CHST11: variants seen among roughly 807,000 people sequenced by gnomAD.
CHST11 encodes the protein C4S-1.
CHST11 carries 9 observed loss-of-function variants against 30.4 expected under a neutral mutation model. That is an observed-to-expected ratio of 0.30 (90% CI 0.18 to 0.52). The LOEUF (loss-of-function observed/expected upper bound fraction) is 0.52. Among genes scored for constraint, CHST11 ranks in the 20% least tolerant of loss-of-function variants. The pLI is 0.97. For synonymous variants in CHST11, 152 were observed against 187.8 expected, an observed-to-expected ratio of 0.81 and a Z score of 1.56; for missense variants, 348 against 460.6, an observed-to-expected ratio of 0.76 and a Z score of 2.24.
intron 2 of CHST11, among the ~76,000 whole-genome samples, chr12:104,641,492 C>G (rs1281660688): frequency 1.3e-5 from 2 of 152,174 alleles, no homozygotes; most frequent in African/African-American, 4.8e-5. Context: ...GTTCCCCCTC[C>G]TCTGAGGGGT....
chr12:104,642,803 A>AT (rs11304826), intron 2 of CHST11, among the ~76,000 whole-genome samples: 4 of 150,680 alleles, frequency 2.7e-5, no homozygotes, highest in East Asian at 1.9e-4. Context: ...GGGGATTTAG[A>AT]TTTTTTTTTT....
intron 1 of CHST11, among the ~76,000 whole-genome samples, chr12:104,486,761 G>T (rs1358393318): frequency 1.3e-5 from 2 of 152,168 alleles, no homozygotes; most frequent in Non-Finnish European, 1.5e-5. Context: ...AAGGGGAAAA[G>T]AACTTCCCTG....
chr12:104,571,519 G>A (rs2038625874), intron 1 of CHST11, among the ~76,000 whole-genome samples: 1 of 152,202 alleles, frequency 6.6e-6, no homozygotes, highest in East Asian at 1.9e-4. Flanking sequence ...CCACTTGTCA[G>A]TGCTTGTAGA....
At chr12:104,614,948 C>T (rs1290457051) in intron 2 of CHST11, among the ~76,000 whole-genome samples, 1 of 152,146 alleles carries the variant, frequency 6.6e-6, no homozygotes, top group Non-Finnish European at 1.5e-5. Flanking sequence ...GATAAGCAGG[C>T]CAAAGATGCA....
chr12:104,502,958 A>G (rs2037867018), intron 1 of CHST11, among the ~76,000 whole-genome samples: 1 of 152,248 alleles, frequency 6.6e-6, no homozygotes, highest in Non-Finnish European at 1.5e-5. Context: ...TGTGGGGCAG[A>G]GCTGGGATTC....
intron 2 of CHST11, among the ~76,000 whole-genome samples, chr12:104,636,289 A>C (rs972767740): frequency 6.6e-6 from 1 of 152,146 alleles, no homozygotes; most frequent in African/African-American, 2.4e-5. Context: ...GTTCCTCTCT[A>C]ACTCAAAGAC....
chr12:104,554,314 C>T (rs1033414159), intron 1 of CHST11, among the ~76,000 whole-genome samples: 24 of 152,028 alleles, frequency 1.6e-4, no homozygotes, highest in Admixed American at 1.2e-3. Flanking sequence ...AGGGGCAATC[C>T]AGGCAGAGGG....
intron 1 of CHST11, among the ~76,000 whole-genome samples, chr12:104,525,106 CTT>C (rs36113644): frequency 0.047 from 6,605 of 139,814 alleles, 466 homozygotes; most frequent in African/African-American, 0.16. Context: ...TTTTTTCTTT[CTT>C]TTTTTTTTTT....
chr12:104,497,364 CGGCAAGAT>C (rs2037808590), intron 1 of CHST11, among the ~76,000 whole-genome samples: 1 of 152,184 alleles, frequency 6.6e-6, no homozygotes, highest in African/African-American at 2.4e-5. Flanking sequence ...TGGGAGGACA[CGGCAAGAT>C]GGTGGCCGTC....
intron 2 of CHST11, among the ~76,000 whole-genome samples, chr12:104,620,373 C>T (rs2039148397): frequency 6.6e-6 from 1 of 152,212 alleles, no homozygotes. Flanking sequence ...TCAGAAGCAG[C>T]TGACATCCAA....
chr12:104,478,254 G>T (rs573995456), intron 1 of CHST11, among the ~76,000 whole-genome samples: 1 of 152,122 alleles, frequency 6.6e-6, no homozygotes. Context: ...ATCTCCAGAA[G>T]GAAGGCCTGG....
intron 1 of CHST11, among the ~76,000 whole-genome samples, chr12:104,466,384 G>T (rs1465533409): frequency 6.6e-6 from 1 of 152,234 alleles, no homozygotes; most frequent in African/African-American, 2.4e-5. Flanking sequence ...CTGATACTGT[G>T]TCTGGAACTA....
chr12:104,490,440 C>T (rs1392285156), intron 1 of CHST11, among the ~76,000 whole-genome samples: 3 of 152,220 alleles, frequency 2.0e-5, no homozygotes, highest in South Asian at 4.2e-4. Context: ...GGACACATAC[C>T]GTGTCATGCA....
intron 2 of CHST11, among the ~76,000 whole-genome samples, chr12:104,739,763 G>A (rs571448402): frequency 6.6e-6 from 1 of 152,332 alleles, no homozygotes; most frequent in East Asian, 1.9e-4. Flanking sequence ...GAGCCAGTGA[G>A]GTTTGTGCTC....
intron 1 of CHST11, among the ~76,000 whole-genome samples, chr12:104,511,474 C>A (rs376532975): frequency 2.4e-4 from 36 of 152,334 alleles, no homozygotes; most frequent in African/African-American, 7.9e-4. Flanking sequence ...GAGTTTGAAT[C>A]TGCATTATGT....
At chr12:104,681,344 C>A (rs951397066) in intron 2 of CHST11, among the ~76,000 whole-genome samples, 3 of 152,050 alleles carry the variant, frequency 2.0e-5, no homozygotes, top group Non-Finnish European at 2.9e-5. Context: ...CACAAAAGAC[C>A]GCATATGATA....
chr12:104,569,312 T>C (rs1300909234), intron 1 of CHST11, among the ~76,000 whole-genome samples: 1 of 152,208 alleles, frequency 6.6e-6, no homozygotes, highest in Admixed American at 6.5e-5. Flanking sequence ...TGAGACTCCA[T>C]AGCTTTTCAG....
intron 1 of CHST11, among the ~76,000 whole-genome samples, chr12:104,559,115 G>A (rs986173559): frequency 2.0e-5 from 3 of 151,744 alleles, no homozygotes; most frequent in Non-Finnish European, 2.9e-5. Context: ...GAACAGGGAC[G>A]GTGTTGTCTT....
At chr12:104,666,443 C>T (rs2039643503) in intron 2 of CHST11, among the ~76,000 whole-genome samples, 1 of 152,208 alleles carries the variant, frequency 6.6e-6, no homozygotes, top group Non-Finnish European at 1.5e-5. Context: ...TTGAATTCTG[C>T]TTTGCCAAAG....
Sources: gnomAD v4.1 joint callset for allele counts (sites outside exome capture counted in the v4.1 genomes callset) on GRCh38, gnomAD v4.1.1 for gene constraint, MANE v1.5 for transcripts, NCBI Gene and HGNC (gene_info 2026-07-23, HGNC 2026-07-21) for gene names.